COL4A5: variants seen among roughly 807,000 people sequenced by gnomAD.
The protein encoded by COL4A5 is collagen type IV alpha 5 chain.
In COL4A5, 26 loss-of-function variants were observed where a neutral mutation model predicts 130.2. The ratio of observed to expected loss-of-function variants is 0.20; its 90% CI spans 0.15 to 0.28. COL4A5 has a LOEUF of 0.28. Among genes scored for constraint, COL4A5 ranks in the 10% least tolerant of loss-of-function variants. The pLI is 1.00. For synonymous variants in COL4A5, 496 were observed against 439.6 expected (o/e 1.13, Z -1.60); for missense variants, 1,131 against 1,344.3 (o/e 0.84, Z 2.48).
In COL4A5 at chrX:108,559,153, G is replaced by A. The variant is rs762883560; in HGVS notation, c.231G>A (p.Lys77=). ...GGCCTCCGGGGCCTCGGGGACAAAAGGTATGTATCATGTTGCCAACCAGTA... is the reference window on the plus strand; with the variant it reads ...GGCCTCCGGGGCCTCGGGGACAAAAAGTATGTATCATGTTGCCAACCAGTA... The part of the protein sequence containing the change: ...PEGPPGPRGQ[K]GDDGIPGPPG... The change falls in exon 3 of 53, where the codon AAG becomes AAA. Residue 77 remains lysine, a splice_region_variant and synonymous_variant. Coordinates refer to ENST00000328300, the MANE Select transcript of COL4A5 (RefSeq NM_033380.3). 2.5e-6 allele frequency: 3 copies of A among 1,194,909 alleles called. No individual in the cohort carries two copies. The highest frequency in any genetic ancestry group is 3.4e-6 in the Non-Finnish European group (3 of 881,445).
intron 36 of COL4A5, among the ~76,000 whole-genome samples, chrX:108,628,646 A>G (rs1266944632): frequency 8.9e-6 from 1 of 111,890 alleles, no homozygotes; most frequent in Admixed American, 9.5e-5. Flanking sequence ...AAATGTGAAG[A>G]TGCATCCACT....
chrX:108,468,002 T>C (rs751184568), intron 1 of COL4A5, among the ~76,000 whole-genome samples: 137 of 111,941 alleles, frequency 1.2e-3, no homozygotes, highest in African/African-American at 4.3e-3. Flanking sequence ...AATGTTTGCA[T>C]ATACATAATG....
At chrX:108,462,132 A>T (rs1390018766) in intron 1 of COL4A5, among the ~76,000 whole-genome samples, 1 of 111,207 alleles carries the variant, frequency 9.0e-6, no homozygotes, top group Non-Finnish European at 1.9e-5. Context: ...ATATTAACAT[A>T]AAACTTCTCT....
At chrX:108,461,956 G>T (rs1461429091) in intron 1 of COL4A5, among the ~76,000 whole-genome samples, 4 of 111,798 alleles carry the variant, frequency 3.6e-5, no homozygotes, top group Non-Finnish European at 7.5e-5. Context: ...TAAAAGGCAA[G>T]AATATAGACA....
chrX:108,530,227 C>A (rs767474355), intron 1 of COL4A5, among the ~76,000 whole-genome samples: 11 of 111,260 alleles, frequency 9.9e-5, no homozygotes, highest in Admixed American at 1.9e-4. Flanking sequence ...TGGAATAAAA[C>A]TAGAAATCAA....
chrX:108,477,926 A>C (rs988230693), intron 1 of COL4A5, among the ~76,000 whole-genome samples: 1 of 110,470 alleles, frequency 9.1e-6, no homozygotes, highest in African/African-American at 3.3e-5. Flanking sequence ...TTGTTCTACT[A>C]CCTATTCTGT....
At chrX:108,546,908 T>C (rs2147685640) in intron 2 of COL4A5, among the ~76,000 whole-genome samples, 1 of 112,558 alleles carries the variant, frequency 8.9e-6, no homozygotes, top group African/African-American at 3.2e-5. Context: ...AATTGGCTAC[T>C]GAAACTTGTG....
At chrX:108,578,705 G>A (rs1294768307) in intron 13 of COL4A5, among the ~76,000 whole-genome samples, 1 of 98,372 alleles carries the variant, frequency 1.0e-5, no homozygotes, top group Admixed American at 1.1e-4. Flanking sequence ...TTGAGACTAA[G>A]TCTTGCTCTT....
At position 108,526,116 on chromosome X, in the gene COL4A5, C is replaced by T. The variant is rs978510490; in HGVS notation, c.82-13630C>T. On this transcript the variant is annotated intron_variant, in intron 1 of 52. Coordinates refer to ENST00000328300, the MANE Select transcript of COL4A5 (RefSeq NM_033380.3). Reference sequence around the variant, plus strand: ...CAGAAATGCTGATGACTTGTTCCTTCCTGTGAGATACTGTAGTGCTTAACT... The same window carrying T: ...CAGAAATGCTGATGACTTGTTCCTTTCTGTGAGATACTGTAGTGCTTAACT... Among the ~76,000 whole-genome samples the T allele has an allele frequency of 3.6e-5, 4 of 111,037 alleles. No individual in the cohort carries two copies. In the East Asian group the frequency reaches 1.1e-3, roughly 32 times the overall value.
At position 108,591,773 on chromosome X, in the gene COL4A5, C is replaced by T. The variant is rs144712512; in HGVS notation, c.1423+129C>T. 1,501 of 535,802 alleles carry T rather than the reference C, an allele frequency of 2.8e-3. 8 individuals are homozygous for T. The highest frequency in any genetic ancestry group is 0.022 in the East Asian group (620 of 27,928). 44.2% of individuals were successfully genotyped at this position (535,802 alleles called of 1,213,427 possible). A position where few individuals can be genotyped will look rare whatever the true frequency, so the allele number is the denominator to read the frequency against. On this transcript the variant is annotated intron_variant, in intron 21 of 52. Coordinates refer to ENST00000328300, the MANE Select transcript of COL4A5 (RefSeq NM_033380.3). ...GTCATACCCCAAGACCATCTCATTACCAATAGTGTTATACTTACATGACCT... is the reference window on the plus strand; with the variant it reads ...GTCATACCCCAAGACCATCTCATTATCAATAGTGTTATACTTACATGACCT...
intron 42 of COL4A5, chrX:108,670,720 A>G (rs1045495157): frequency 3.4e-5 from 11 of 327,555 alleles, no homozygotes; most frequent in African/African-American, 2.9e-4. Flanking sequence ...GGGTTGTCAC[A>G]AAGTTCTCAA....
intron 28 of COL4A5, among the ~76,000 whole-genome samples, chrX:108,603,328 C>T (rs957716000): frequency 1.9e-5 from 2 of 103,490 alleles, no homozygotes; most frequent in African/African-American, 7.0e-5. Flanking sequence ...TTAGAGAATA[C>T]AGGCATACCT....
At chrX:108,554,104 T>C (rs2065789343) in intron 2 of COL4A5, among the ~76,000 whole-genome samples, 1 of 111,444 alleles carries the variant, frequency 9.0e-6, no homozygotes, top group Non-Finnish European at 1.9e-5. Flanking sequence ...ATAAGGAAGA[T>C]ATGGGCACAA....
chrX:108,537,251 CTGTTT>C (rs951144283), intron 1 of COL4A5, among the ~76,000 whole-genome samples: 1 of 111,118 alleles, frequency 9.0e-6, no homozygotes, highest in Non-Finnish European at 1.9e-5. Context: ...TTACAATTGC[CTGTTT>C]TGTTTTAACC....
chrX:108,529,016 A>G (rs1418057489), intron 1 of COL4A5, among the ~76,000 whole-genome samples: 1 of 111,981 alleles, frequency 8.9e-6, no homozygotes, highest in African/African-American at 3.2e-5. Flanking sequence ...CATTATAGTC[A>G]GAAAGTCTAA....
intron 1 of COL4A5, among the ~76,000 whole-genome samples, chrX:108,460,162 G>A (rs1408891621): frequency 9.0e-6 from 1 of 111,559 alleles, no homozygotes; most frequent in East Asian, 2.8e-4. Context: ...TCAAGCTTTA[G>A]TATTCCTTCT....
chrX:108,547,965 G>A (rs1338786441), intron 2 of COL4A5, among the ~76,000 whole-genome samples: 1 of 112,064 alleles, frequency 8.9e-6, no homozygotes, highest in Admixed American at 9.4e-5. Flanking sequence ...GAAAAGTGCA[G>A]TATTAGGGTG....
chrX:108,467,923 T>C (rs2064723638), intron 1 of COL4A5, among the ~76,000 whole-genome samples: 2 of 111,769 alleles, frequency 1.8e-5, no homozygotes, highest in South Asian at 7.4e-4. Flanking sequence ...TGTATACAGG[T>C]TGAGTATCTC....
At chrX:108,648,670 AC>A (rs953243946) in intron 36 of COL4A5, among the ~76,000 whole-genome samples, 17 of 111,796 alleles carry the variant, frequency 1.5e-4, no homozygotes, top group African/African-American at 3.9e-4. Context: ...CAGAAAAAAA[AC>A]ATTCAACAAA....
Sources: allele counts gnomAD v4.1 joint callset (sites outside exome capture counted in the v4.1 genomes callset), GRCh38; gene constraint gnomAD v4.1.1; transcripts MANE v1.5; gene names NCBI Gene and HGNC (gene_info 2026-07-23, HGNC 2026-07-21).